CERS5: variants seen among roughly 807,000 people sequenced by gnomAD.
The protein encoded by CERS5 is ceramide synthase 5.
Under a neutral mutation model 58.9 loss-of-function variants are expected in CERS5, and 37 were observed. The ratio of observed to expected loss-of-function variants is 0.63; its 90% CI spans 0.48 to 0.83. The LOEUF is 0.83. CERS5 is among the 40% of genes least tolerant of loss of function. CERS5 has a pLI of 0.00. For missense variants in CERS5, 398 were observed against 489.3 expected, an observed-to-expected ratio of 0.81 and a Z score of 1.76; for synonymous variants, 147 against 177.8, an observed-to-expected ratio of 0.83 and a Z score of 1.38.
chr12:50,154,323 G>A, intron 1 of CERS5: 1 of 218,094 alleles, frequency 4.6e-6, no homozygotes, highest in South Asian at 4.5e-5. Context: ...ACTCCAGCCT[G>A]GGAACAGAGC....
At chr12:50,148,410 A>G (rs764158075) in intron 1 of CERS5, 1 of 210,238 alleles carries the variant, frequency 4.8e-6, no homozygotes, top group Non-Finnish European at 1.0e-5. Context: ...AGGCTGGCCA[A>G]CATGGTGAAA....
intron 1 of CERS5, among the ~76,000 whole-genome samples, chr12:50,149,629 A>C (rs774432232): frequency 3.9e-5 from 6 of 152,184 alleles, no homozygotes; most frequent in Non-Finnish European, 8.8e-5. Flanking sequence ...ACTTATGCTG[A>C]GATATTGATT....
intron 1 of CERS5, among the ~76,000 whole-genome samples, chr12:50,152,925 C>A (rs1036762805): frequency 2.1e-4 from 32 of 151,936 alleles, no homozygotes; most frequent in Middle Eastern, 6.8e-3. Context: ...TAAATATTAG[C>A]CAGGCGTGGT....
chr12:50,137,901 A>C (rs1445867174), intron 5 of CERS5, 81 bp from the exon 6 acceptor site: 2 of 840,660 alleles, frequency 2.4e-6, no homozygotes, highest in Non-Finnish European at 4.0e-6. Flanking sequence ...GCCTTGGAGG[A>C]CCAATACCCC....
At chr12:50,153,170 A>T (rs1475739920) in intron 1 of CERS5, among the ~76,000 whole-genome samples, 1 of 151,870 alleles carries the variant, frequency 6.6e-6, no homozygotes, top group African/African-American at 2.4e-5. Context: ...AGTGAAACTT[A>T]GAATGTTTAG....
intron 8 of CERS5, chr12:50,135,456 C>T (rs759463819): frequency 1.2e-5 from 8 of 651,990 alleles, no homozygotes; most frequent in Non-Finnish European, 2.3e-5. Context: ...GAGGACTGTT[C>T]CTCAGAGATG....
chr12:50,154,879 G>T (rs1363079490), intron 1 of CERS5, among the ~76,000 whole-genome samples: 1 of 151,954 alleles, frequency 6.6e-6, no homozygotes, highest in Non-Finnish European at 1.5e-5. Flanking sequence ...TTCTTTTTGA[G>T]ACAGAGTTTC....
At chr12:50,167,016 T>A in intron 1 of CERS5, 85 bp downstream of exon 1, 1 of 1,135,616 alleles carries the variant, frequency 8.8e-7, no homozygotes, top group African/African-American at 1.6e-5. Context: ...TCCTTGCAGT[T>A]CTGCTTCCGG....
At chr12:50,145,326 C>A (rs1469071043) in intron 1 of CERS5, among the ~76,000 whole-genome samples, 1 of 151,948 alleles carries the variant, frequency 6.6e-6, no homozygotes, top group African/African-American at 2.4e-5. Context: ...ATCTCACTCT[C>A]CCCCGTAATC....
intron 2 of CERS5, 25 bp downstream of exon 2, chr12:50,143,927 C>T (rs1565782365): frequency 4.3e-5 from 60 of 1,381,816 alleles, no homozygotes; most frequent in Non-Finnish European, 6.2e-5. Flanking sequence ...TGTGAATATT[C>T]CTCTCTGTTT....
chr12:50,134,532 T>C lies in CERS5; in HGVS notation c.1029+14A>G. 6.2e-7 allele frequency: 1 copy of C among 1,614,102 alleles called. No homozygotes were observed. Among genetic ancestry groups the C allele is most frequent in the Non-Finnish European group, 8.5e-7 (1 of 1,180,022 alleles). On this transcript the variant is annotated intron_variant, in intron 9 of 9. Transcript: ENST00000317551. ...TTCCATACCCAAAAGAAAGAAGCCA[T>C]CTTTCATCCTCACCTTTCCCCTGAT...
chr12:50,164,533 G>C (rs1261002385), intron 1 of CERS5, among the ~76,000 whole-genome samples: 1 of 152,158 alleles, frequency 6.6e-6, no homozygotes, highest in East Asian at 1.9e-4. Context: ...GAGGTAATGG[G>C]TCTTAAAAGA....
chr12:50,152,597 G>C (rs115575247), intron 1 of CERS5, among the ~76,000 whole-genome samples: 1,965 of 151,506 alleles, frequency 0.013, 30 homozygotes, highest in African/African-American at 0.045. Context: ...TGATAAAATG[G>C]ATGTACCCAA....
chr12:50,148,927 A>ATAT (rs1292802919), intron 1 of CERS5, among the ~76,000 whole-genome samples: 1 of 48,038 alleles, frequency 2.1e-5, no homozygotes, highest in Non-Finnish European at 3.8e-5. Context: ...AAAAAAAAAA[A>ATAT]ATATATATAT....
intron 1 of CERS5, among the ~76,000 whole-genome samples, chr12:50,151,183 T>TTC (rs1482232694): frequency 1.3e-5 from 2 of 151,988 alleles, no homozygotes; most frequent in Admixed American, 6.6e-5. Context: ...CAACTCTCCT[T>TTC]TCTCTCCCCT....
At chr12:50,138,213 A>T (rs1951787727) in intron 5 of CERS5, among the ~76,000 whole-genome samples, 1 of 152,154 alleles carries the variant, frequency 6.6e-6, no homozygotes, top group Non-Finnish European at 1.5e-5. Context: ...CTCTACTGGG[A>T]TTCCAAGTTA....
chr12:50,163,527 T>C (rs1046798820), intron 1 of CERS5, among the ~76,000 whole-genome samples: 1 of 152,088 alleles, frequency 6.6e-6, no homozygotes, highest in African/African-American at 2.4e-5. Flanking sequence ...ATGCCTTCTA[T>C]TGCATTCTAC....
chr12:50,142,995 T>A (rs925370920), intron 3 of CERS5, 79 bp downstream of exon 3: 2 of 1,440,696 alleles, frequency 1.4e-6, no homozygotes, highest in Non-Finnish European at 1.9e-6. Context: ...ACAACAGAAG[T>A]GATGTTCAAA....
At position 50,142,056 on chromosome 12, in the gene CERS5, C is replaced by T. The variant is rs750731254; in HGVS notation, c.489G>A (p.Trp163Ter). The T allele has an allele frequency of 1.9e-6, 3 of 1,592,196 alleles. No individual in the cohort carries two copies. Among genetic ancestry groups the T allele is most frequent in the Non-Finnish European group, 2.6e-6 (3 of 1,160,676 alleles). The change falls in exon 4 of 10, where the codon TGG becomes TGA. Residue 163 changes from tryptophan to a stop codon, truncating the protein, a stop_gained. Coordinates refer to ENST00000317551, the MANE Select transcript of CERS5 (RefSeq NM_147190.5). LOFTEE classifies it high-confidence loss of function. ...CIFCYGIRFL[W>*]SSPWFWDIRQ... ...ACTAGAGAAAGTTAAGACTCACCGA[C>T]CAGAGAAATCTAATTCCATAGCAGA...
Sources: allele counts gnomAD v4.1 joint callset (sites outside exome capture counted in the v4.1 genomes callset), GRCh38; gene constraint gnomAD v4.1.1; transcripts MANE v1.5; gene names NCBI Gene and HGNC (gene_info 2026-07-23, HGNC 2026-07-21).